CYFIP2: variants seen among roughly 807,000 people sequenced by gnomAD.
CYFIP2 encodes the protein cytoplasmic FMR1-interacting protein 2.
A neutral mutation model predicts 158.7 loss-of-function variants in CYFIP2; 29 were observed. The observed-to-expected ratio is 0.18, with a 90% CI of 0.14 to 0.25. The LOEUF is 0.25. Among genes scored for constraint, CYFIP2 ranks in the 10% least tolerant of loss-of-function variants. CYFIP2 has a pLI of 1.00. For missense variants in CYFIP2, 852 were observed against 1,639.5 expected (o/e 0.52, Z 8.29); for synonymous variants, 585 against 617.6 (o/e 0.95, Z 0.78).
chr5:157,383,330 C>T lies in CYFIP2; in HGVS notation c.3178C>T (p.Pro1060Ser). Residue 1060 changes from proline (P) to serine (S), a missense_variant, in exon 28 of 31, where the codon CCT becomes TCT. Coordinates refer to ENST00000620254, the MANE Select transcript of CYFIP2 (RefSeq NM_001037333.3). ...EAKYAPLHLV[P>S]LIERLGTPQQ... is the part of the protein sequence containing the mutation. ...CAAGTATGCCCCGCTCCACCTGGTC[C>T]CTCTGATCGAGCGGCTGGGGACCCC... 1 of 1,613,850 alleles carries T rather than the reference C, an allele frequency of 6.2e-7. No individual in the cohort carries two copies. The highest frequency in any genetic ancestry group is 8.5e-7 in the Non-Finnish European group (1 of 1,179,854).
intron 15 of CYFIP2, chr5:157,323,026 C>T (rs558734314): frequency 2.7e-5 from 42 of 1,536,006 alleles, no homozygotes; most frequent in East Asian, 4.9e-5. Context: ...GGTATCACAC[C>T]GCCTGGCTGG....
At chr5:157,342,919 A>C (rs1762384812) in intron 23 of CYFIP2, 1 of 1,614,170 alleles carries the variant, frequency 6.2e-7, no homozygotes. Context: ...TCTGTAAGGC[A>C]CCCGCATCAG....
At chr5:157,391,813 T>C (rs375715965) in intron 30 of CYFIP2, among the ~76,000 whole-genome samples, 6 of 148,008 alleles carry the variant, frequency 4.1e-5, no homozygotes, top group African/African-American at 1.2e-4. Flanking sequence ...TGCTGGATCG[T>C]ATGGTAATTC....
chr5:157,338,290 T>A (rs1344230917), intron 21 of CYFIP2, among the ~76,000 whole-genome samples: 2 of 152,252 alleles, frequency 1.3e-5, no homozygotes, highest in Non-Finnish European at 2.9e-5. Context: ...GACTGCAGAC[T>A]GCAGACTGCT....
intron 25 of CYFIP2, among the ~76,000 whole-genome samples, chr5:157,360,575 GGGACCTGCCTCAT>G (rs1251783410): frequency 1.3e-5 from 2 of 152,106 alleles, no homozygotes; most frequent in Non-Finnish European, 2.9e-5. Context: ...TGATGCTTGC[GGGACCTGCCTCAT>G]GGGACTGCTG....
chr5:157,375,338 A>G (rs1027862134), intron 26 of CYFIP2, among the ~76,000 whole-genome samples: 4 of 152,170 alleles, frequency 2.6e-5, no homozygotes, highest in African/African-American at 9.7e-5. Flanking sequence ...ATGCCTATCA[A>G]AGAACTGGTG....
At chr5:157,341,914 A>G (rs1410731878) in intron 23 of CYFIP2, 1 of 152,276 alleles carries the variant, frequency 6.6e-6, no homozygotes, top group Non-Finnish European at 1.5e-5. Flanking sequence ...GACTGACAGC[A>G]TTTGAGGTGG....
At chr5:157,294,906 T>G (rs1486064066) in intron 4 of CYFIP2, 46 bp downstream of exon 4, 1 of 1,480,404 alleles carries the variant, frequency 6.8e-7, no homozygotes, top group Non-Finnish European at 9.4e-7. Context: ...CAGAGGGCAT[T>G]ACTAACCCCT....
chr5:157,273,180 T>C (rs1429868255), intron 1 of CYFIP2, among the ~76,000 whole-genome samples: 1 of 152,178 alleles, frequency 6.6e-6, no homozygotes, highest in African/African-American at 2.4e-5. Flanking sequence ...CCTTTTCTTT[T>C]AAAGCTCTGT....
At chr5:157,337,874 G>C (rs1478842967) in intron 21 of CYFIP2, among the ~76,000 whole-genome samples, 1 of 152,176 alleles carries the variant, frequency 6.6e-6, no homozygotes, top group African/African-American at 2.4e-5. Flanking sequence ...TGTGTCACAG[G>C]GACCAAGAAC....
intron 26 of CYFIP2, among the ~76,000 whole-genome samples, chr5:157,380,323 A>T (rs962100411): frequency 6.6e-6 from 1 of 152,236 alleles, no homozygotes; most frequent in African/African-American, 2.4e-5. Flanking sequence ...TCAGGCAAGA[A>T]AGGGGTCTTT....
chr5:157,310,837 T>G (rs999843002), intron 10 of CYFIP2, among the ~76,000 whole-genome samples: 1 of 152,182 alleles, frequency 6.6e-6, no homozygotes, highest in Non-Finnish European at 1.5e-5. Flanking sequence ...TTTGAAATAG[T>G]AAATTCTCCC....
intron 3 of CYFIP2, among the ~76,000 whole-genome samples, chr5:157,289,706 G>A (rs562853186): frequency 1.3e-3 from 202 of 152,290 alleles, no homozygotes; most frequent in Non-Finnish European, 2.4e-3. Context: ...TAAAGGCCCC[G>A]TCTCCAAATA....
At chr5:157,371,709 A>G (rs1765011327) in intron 26 of CYFIP2, among the ~76,000 whole-genome samples, 1 of 152,222 alleles carries the variant, frequency 6.6e-6, no homozygotes, top group Non-Finnish European at 1.5e-5. Flanking sequence ...TCAGTTTTAA[A>G]TTAACTATAA....
At chr5:157,380,996 C>T (rs945173973) in intron 26 of CYFIP2, among the ~76,000 whole-genome samples, 7 of 152,186 alleles carry the variant, frequency 4.6e-5, no homozygotes, top group Non-Finnish European at 8.8e-5. Context: ...AGGCAGATCA[C>T]CTGAGGTCAG....
chr5:157,275,974 T>A (rs1756512008), intron 1 of CYFIP2, among the ~76,000 whole-genome samples: 1 of 152,232 alleles, frequency 6.6e-6, no homozygotes, highest in Admixed American at 6.5e-5. Flanking sequence ...ATAGAGATAC[T>A]ACTGATTTTT....
At chr5:157,320,828 C>G (rs1760534889) in intron 15 of CYFIP2, 26 bp downstream of exon 15, 1 of 1,526,038 alleles carries the variant, frequency 6.6e-7, no homozygotes, top group East Asian at 2.3e-5. Context: ...CACAGGCCAG[C>G]TGCGTTGACT....
intron 3 of CYFIP2, 111 bp downstream of exon 3, chr5:157,287,219 C>A: frequency 1.3e-6 from 1 of 792,158 alleles, no homozygotes; most frequent in Non-Finnish European, 2.1e-6. Flanking sequence ...GAACCCCCTG[C>A]CTCAGTCAGA....
chr5:157,377,484 C>T (rs995075902), intron 26 of CYFIP2, among the ~76,000 whole-genome samples: 1 of 152,156 alleles, frequency 6.6e-6, no homozygotes, highest in Admixed American at 6.5e-5. Context: ...TTGGTTGCTC[C>T]TCTTTGCATC....
Sources: allele counts gnomAD v4.1 joint callset (sites outside exome capture counted in the v4.1 genomes callset), GRCh38; gene constraint gnomAD v4.1.1; transcripts MANE v1.5; gene names NCBI Gene and HGNC (gene_info 2026-07-23, HGNC 2026-07-21).